The following BLTP1 variants were observed in gnomAD, a reference collection of about 807,000 sequenced individuals.
The protein encoded by BLTP1 is fragile site-associated protein.
chr4:122,236,938 A>G, the BLTP1 span: 12,139 of 985,258 alleles, frequency 0.012, 232 homozygotes, highest in African/African-American at 0.081. Context: ...GTACAGATGC[A>G]GTGTCAGGAT....
the BLTP1 span, chr4:122,229,345 G>A: frequency 5.8e-6 from 5 of 857,760 alleles, no homozygotes; most frequent in Non-Finnish European, 6.7e-6. Flanking sequence ...CTCACAGACA[G>A]CCACAAAATT....
the BLTP1 span, chr4:122,304,693 A>G: frequency 1.3e-6 from 2 of 1,488,520 alleles, no homozygotes; most frequent in Non-Finnish European, 1.8e-6. Context: ...TTCATGGTTT[A>G]AAACACGACT....
At chr4:122,299,037 A>G in the BLTP1 span, 1 of 985,398 alleles carries the variant, frequency 1.0e-6, no homozygotes. Flanking sequence ...GGGTCAGCTA[A>G]GGTACTGCTT....
At chr4:122,300,570 A>G in the BLTP1 span, among the ~76,000 whole-genome samples, 4 of 152,136 alleles carry the variant, frequency 2.6e-5, no homozygotes, top group Non-Finnish European at 5.9e-5. Flanking sequence ...AAATATTTTT[A>G]TCATAGTACT....
chr4:122,219,191 T>C, the BLTP1 span: 1 of 1,430,190 alleles, frequency 7.0e-7, no homozygotes, highest in Non-Finnish European at 9.1e-7. Context: ...ACATATGTTT[T>C]CTTTTGTATT....
the BLTP1 span, chr4:122,214,208 T>C: frequency 1.0e-6 from 1 of 970,094 alleles, no homozygotes; most frequent in Non-Finnish European, 1.2e-6. Flanking sequence ...TAAGTATACA[T>C]TTTTAGCTAG....
the BLTP1 span, among the ~76,000 whole-genome samples, chr4:122,171,241 G>GA: frequency 6.6e-6 from 1 of 152,134 alleles, no homozygotes; most frequent in South Asian, 2.1e-4. Flanking sequence ...TAGGTATATA[G>GA]AAATAGCTTA....
chr4:122,322,933 G>A, the BLTP1 span, among the ~76,000 whole-genome samples: 20 of 151,928 alleles, frequency 1.3e-4, no homozygotes, highest in East Asian at 3.5e-3. Flanking sequence ...TCCCTTCCCC[G>A]TGTTGGAAGC....
the BLTP1 span, chr4:122,318,359 C>T: frequency 1.0e-6 from 1 of 990,312 alleles, no homozygotes; most frequent in South Asian, 1.4e-5. Flanking sequence ...CCATCTAAAG[C>T]ACGTTACATG....
the BLTP1 span, chr4:122,196,621 C>T: frequency 1.3e-6 from 2 of 1,587,148 alleles, no homozygotes; most frequent in Non-Finnish European, 1.7e-6. Flanking sequence ...ATTCTTTCTA[C>T]CTCCTTAATG....
chr4:122,229,959 A>G, the BLTP1 span: 3 of 1,613,722 alleles, frequency 1.9e-6, no homozygotes, highest in South Asian at 3.3e-5. Flanking sequence ...GCAAACTGTA[A>G]TCTCCACAAT....
At chr4:122,257,047 G>C in the BLTP1 span, among the ~76,000 whole-genome samples, 1 of 152,070 alleles carries the variant, frequency 6.6e-6, no homozygotes, top group South Asian at 2.1e-4. Flanking sequence ...ATGAAACGTT[G>C]TGCCTAGAGA....
the BLTP1 span, among the ~76,000 whole-genome samples, chr4:122,230,384 A>G: frequency 1.1e-4 from 16 of 152,208 alleles, no homozygotes; most frequent in Admixed American, 6.5e-4. Flanking sequence ...TTAAGTAAAT[A>G]TATATCTTGT....
At chr4:122,230,451 CTA>C in the BLTP1 span, among the ~76,000 whole-genome samples, 1 of 152,128 alleles carries the variant, frequency 6.6e-6, no homozygotes, top group Non-Finnish European at 1.5e-5. Context: ...GTTTCTAAGT[CTA>C]TACCATGTAT....
At chr4:122,266,626 A>G in the BLTP1 span, 1 of 190,820 alleles carries the variant, frequency 5.2e-6, no homozygotes, top group Non-Finnish European at 9.7e-6. Flanking sequence ...AAGTAAAGTT[A>G]GAGTCAATTA....
the BLTP1 span, chr4:122,328,056 T>G: frequency 7.4e-7 from 1 of 1,358,820 alleles, no homozygotes; most frequent in Non-Finnish European, 9.8e-7. Context: ...TTTTTCTTTT[T>G]TTAATTGAAA....
At chr4:122,312,500 G>T in the BLTP1 span, among the ~76,000 whole-genome samples, 1 of 152,130 alleles carries the variant, frequency 6.6e-6, no homozygotes, top group African/African-American at 2.4e-5. Flanking sequence ...GGATTTGAAA[G>T]GGTAATGTGG....
At chr4:122,267,407 A>T in the BLTP1 span, among the ~76,000 whole-genome samples, 3 of 152,118 alleles carry the variant, frequency 2.0e-5, no homozygotes, top group Admixed American at 6.6e-5. Flanking sequence ...CCTTTTAGTA[A>T]AAGTAGTAGC....
At chr4:122,269,590 CTT>C in the BLTP1 span, 1 of 985,186 alleles carries the variant, frequency 1.0e-6, no homozygotes, top group Non-Finnish European at 1.2e-6. Context: ...CCGCAATATA[CTT>C]TTCCCAGCCA....
Sources: allele counts gnomAD v4.1 joint callset (sites outside exome capture counted in the v4.1 genomes callset), GRCh38; gene constraint gnomAD v4.1.1; transcripts MANE v1.5; gene names NCBI Gene and HGNC (gene_info 2026-07-23, HGNC 2026-07-21).